SCLT1: variants seen among roughly 807,000 people sequenced by gnomAD.
SCLT1 encodes sodium channel-associated protein 1.
SCLT1 carries 78 observed loss-of-function variants against 112.8 expected under a neutral mutation model. The observed-to-expected ratio is 0.69, with a 90% confidence interval of 0.58 to 0.83. SCLT1 has a LOEUF of 0.83. SCLT1 is among the 40% of genes least tolerant of loss of function. SCLT1 has a pLI of 0.00. For synonymous variants in SCLT1, 257 were observed against 254.7 expected, an observed-to-expected ratio of 1.01 and a Z score of -0.09; for missense variants, 747 against 770.4, an observed-to-expected ratio of 0.97 and a Z score of 0.36.
intron 17 of SCLT1, 130 bp from the exon 18 acceptor site, chr4:128,936,981 G>A (rs528734262): frequency 3.6e-5 from 17 of 466,050 alleles, no homozygotes; most frequent in South Asian, 1.5e-4. Flanking sequence ...AGAAAACTAC[G>A]TAAGAAATCA....
chr4:129,049,247 T>C (rs1748509385), intron 2 of SCLT1, among the ~76,000 whole-genome samples: 1 of 151,528 alleles, frequency 6.6e-6, no homozygotes, highest in African/African-American at 2.4e-5. Flanking sequence ...CCAACAATGA[T>C]AGACTGGATT....
intron 18 of SCLT1, among the ~76,000 whole-genome samples, chr4:128,901,488 AG>A (rs1380197150): frequency 2.8e-5 from 4 of 140,774 alleles, no homozygotes; most frequent in African/African-American, 1.0e-4. Flanking sequence ...ACAGGGACAC[AG>A]GAAGGGGAAC....
intron 1 of SCLT1, among the ~76,000 whole-genome samples, chr4:129,090,625 T>G (rs1255092459): frequency 6.6e-6 from 1 of 152,200 alleles, no homozygotes; most frequent in Non-Finnish European, 1.5e-5. Flanking sequence ...TAAAAATGTT[T>G]GGCTCCAACA....
intron 5 of SCLT1, 64 bp from the exon 6 acceptor site, chr4:129,003,940 AGGTC>A: frequency 1.4e-6 from 2 of 1,456,120 alleles, no homozygotes; most frequent in Non-Finnish European, 1.9e-6. Flanking sequence ...TACTGTTTCG[AGGTC>A]AATTAAACAT....
At chr4:128,914,427 T>A (rs1579361448) in intron 18 of SCLT1, among the ~76,000 whole-genome samples, 1 of 151,654 alleles carries the variant, frequency 6.6e-6, no homozygotes, top group South Asian at 2.1e-4. Context: ...ATGTGATAGA[T>A]GTTTCTCTAA....
At chr4:129,044,297 T>A (rs1037355283) in intron 2 of SCLT1, among the ~76,000 whole-genome samples, 1 of 152,022 alleles carries the variant, frequency 6.6e-6, no homozygotes, top group African/African-American at 2.4e-5. Context: ...TTGATAAAAA[T>A]ATCTGCCAGA....
In SCLT1 at chr4:129,003,839, AT is replaced by A. The variant is rs772185859; in HGVS notation, c.327del (p.Lys109AsnfsTer11). 3.1e-6 allele frequency: 5 copies of A among 1,603,074 alleles called. No individual in the cohort carries two copies. The highest frequency in any genetic ancestry group is 2.2e-5 in the South Asian group (2 of 90,210). ...HSELKDAVEK[K>X]LEAFPLGTEV... ...TCTGTGCCCAGGGGAAAGGCCTCCA[AT>A]TTTTTTTCAACAGCATCTTTTAATT... On this transcript the variant is annotated frameshift_variant, in exon 6 of 21. Transcript: ENST00000281142. LOFTEE classifies it high-confidence loss of function.
chr4:129,035,537 T>C (rs1747104247), intron 5 of SCLT1, among the ~76,000 whole-genome samples: 1 of 151,468 alleles, frequency 6.6e-6, no homozygotes, highest in Admixed American at 6.6e-5. Context: ...TGACTATGTA[T>C]GAAGGAAAAA....
At chr4:128,977,215 C>T (rs904497329) in intron 9 of SCLT1, among the ~76,000 whole-genome samples, 1 of 152,142 alleles carries the variant, frequency 6.6e-6, no homozygotes, top group African/African-American at 2.4e-5. Flanking sequence ...TTATTGAATG[C>T]TTATAACATG....
chr4:128,976,625 T>C (rs1325372758), intron 9 of SCLT1, among the ~76,000 whole-genome samples: 2 of 152,164 alleles, frequency 1.3e-5, no homozygotes, highest in Admixed American at 1.3e-4. Context: ...AGCGCTATAG[T>C]AATCTTGAGG....
intron 18 of SCLT1, among the ~76,000 whole-genome samples, chr4:128,927,133 C>T (rs936863008): frequency 6.6e-6 from 1 of 151,358 alleles, no homozygotes; most frequent in African/African-American, 2.4e-5. Flanking sequence ...ATGAAATGGC[C>T]TGAAACTGAG....
At chr4:128,956,900 T>C (rs1739263232) in intron 13 of SCLT1, 126 bp downstream of exon 13, 3 of 548,004 alleles carry the variant, frequency 5.5e-6, no homozygotes, top group East Asian at 3.2e-5. Flanking sequence ...AGGTTAATAA[T>C]TTCATATGGA....
rs987116579 is a variant in SCLT1, at chr4:129,093,417, C to A, written c.-314G>T. On this transcript the variant is annotated 5_prime_UTR_variant, in exon 1 of 21. Transcript: ENST00000281142. ...GCGGGTCACTCTGGGTCTCGTCGGG[C>A]CACCTAGGAGAGTGCCGCGGGAGCT... 5 of 438,726 alleles carry A rather than the reference C, an allele frequency of 1.1e-5. No homozygotes were observed. The highest frequency in any genetic ancestry group is 2.1e-5 in the Non-Finnish European group (5 of 240,170). 27.2% of individuals were successfully genotyped at this position (438,726 alleles called of 1,614,324 possible).
chr4:128,906,517 C>T (rs930706451), intron 18 of SCLT1, among the ~76,000 whole-genome samples: 2 of 151,996 alleles, frequency 1.3e-5, no homozygotes, highest in African/African-American at 2.4e-5. Flanking sequence ...TTCAAAGTAG[C>T]CATCAAGTGA....
At chr4:128,885,295 C>A (rs1732807567) in intron 20 of SCLT1, among the ~76,000 whole-genome samples, 1 of 152,152 alleles carries the variant, frequency 6.6e-6, no homozygotes, top group Non-Finnish European at 1.5e-5. Context: ...AAGGAAGTCT[C>A]GTTCCCATTG....
intron 9 of SCLT1, among the ~76,000 whole-genome samples, chr4:128,983,129 C>A (rs1579591588): frequency 6.6e-6 from 1 of 152,312 alleles, no homozygotes. Context: ...CTCAGGTGAT[C>A]CGCCCGCCTC....
intron 4 of SCLT1, among the ~76,000 whole-genome samples, chr4:129,042,764 T>G (rs1048881459): frequency 6.6e-6 from 1 of 152,116 alleles, no homozygotes; most frequent in South Asian, 2.1e-4. Context: ...TTCTCTCACT[T>G]CAGCCTTCTG....
At chr4:128,925,717 C>A (rs1469473328) in intron 18 of SCLT1, among the ~76,000 whole-genome samples, 1 of 152,092 alleles carries the variant, frequency 6.6e-6, no homozygotes, top group Non-Finnish European at 1.5e-5. Flanking sequence ...TCCCTAAAGT[C>A]TCTGAGGCTC....
intron 18 of SCLT1, among the ~76,000 whole-genome samples, chr4:128,921,556 A>C (rs1053106286): frequency 6.6e-6 from 1 of 152,204 alleles, no homozygotes; most frequent in African/African-American, 2.4e-5. Flanking sequence ...TAATGGGGAA[A>C]GAACTCCCTA....
Sources: allele counts gnomAD v4.1 joint callset (sites outside exome capture counted in the v4.1 genomes callset), GRCh38; gene constraint gnomAD v4.1.1; transcripts MANE v1.5; gene names NCBI Gene and HGNC (gene_info 2026-07-23, HGNC 2026-07-21).